The following ARAP3 variants were observed in gnomAD, a reference collection of about 807,000 sequenced individuals.
The protein encoded by ARAP3 is arf-GAP with Rho-GAP domain, ANK repeat and PH domain-containing protein 3.
ARAP3 carries 82 observed loss-of-function variants against 169.2 expected under a neutral mutation model. The observed-to-expected ratio is 0.48, with a 90% confidence interval of 0.41 to 0.58. The LOEUF (loss-of-function observed/expected upper bound fraction) is 0.58, where lower values mean the gene tolerates loss of function less well. Ranked by LOEUF, ARAP3 falls within the 20% of genes least tolerant of loss-of-function variation. The probability of loss-of-function intolerance (pLI) is 0.00; values close to 1 mark genes in which losing one functional copy is unlikely to be tolerated. For synonymous variants in ARAP3, 791 were observed against 800.3 expected, an observed-to-expected ratio of 0.99 and a Z score of 0.20; for missense variants, 1,764 against 2,018.0, an observed-to-expected ratio of 0.87 and a Z score of 2.41.
At chr5:141,678,135 G>A (rs1374761935) in intron 4 of ARAP3, among the ~76,000 whole-genome samples, 1 of 152,026 alleles carries the variant, frequency 6.6e-6, no homozygotes, top group Non-Finnish European at 1.5e-5. Context: ...ATTTTTAGTA[G>A]ACACGAGGTT....
intron 1 of ARAP3, chr5:141,680,930 C>G: frequency 5.9e-6 from 1 of 170,100 alleles, no homozygotes; most frequent in Admixed American, 6.0e-5. Flanking sequence ...CCAATCAGCT[C>G]TGGAGTAAGG....
chr5:141,655,828 G>A, intron 30 of ARAP3, 41 bp downstream of exon 30: 11 of 1,614,112 alleles, frequency 6.8e-6, no homozygotes, highest in South Asian at 3.3e-5. Flanking sequence ...GGGCCCCAGG[G>A]GGACCACAGA....
At chr5:141,654,587 G>A in intron 32 of ARAP3, 152 bp from the exon 33 acceptor site, 1 of 1,121,398 alleles carries the variant, frequency 8.9e-7, no homozygotes, top group Non-Finnish European at 1.2e-6. Context: ...GGGTTACACT[G>A]AGTCAACTGA....
At chr5:141,656,662 G>A (rs549976499) in intron 26 of ARAP3, 25 bp from the exon 27 acceptor site, 2 of 1,613,510 alleles carry the variant, frequency 1.2e-6, no homozygotes, top group East Asian at 4.5e-5. Context: ...GCAATCCTGG[G>A]TGGAGGATGC....
chr5:141,670,175 T>A, intron 14 of ARAP3, 112 bp from the exon 15 acceptor site: 1 of 1,394,128 alleles, frequency 7.2e-7, no homozygotes, highest in East Asian at 2.5e-5. Flanking sequence ...TATGATCCCA[T>A]GTAATCTTCA....
Position 141,672,873 on chromosome 5 carries a change from G to T in ARAP3, c.1146C>A (p.Arg382=), listed in dbSNP as rs758266108. 1.9e-6 allele frequency: 3 copies of T among 1,606,418 alleles called. No individual in the cohort carries two copies. In the African/African-American group the frequency reaches 4.0e-5, roughly 21 times the overall value. ...STLQSCLKEQ[R]LLGHPRPPQP... Reference sequence around the variant, plus strand: ...GGGGGGGCCGGGGGTGGCCCAGGAGGCGCTGCTCCTTCAGACAGGACTGCA... The same window carrying T: ...GGGGGGGCCGGGGGTGGCCCAGGAGTCGCTGCTCCTTCAGACAGGACTGCA... The change falls in exon 8 of 33, where the codon CGC becomes CGA. Residue 382 remains arginine (R), a synonymous_variant. Coordinates refer to ENST00000239440, the MANE Select transcript of ARAP3 (RefSeq NM_022481.6). This position sits in a 1 kb window ranked among gnomAD's most constrained non-coding sequence, Gnocchi z 4.9.
chr5:141,664,202 T>C (rs1256780088), intron 19 of ARAP3, among the ~76,000 whole-genome samples: 1 of 151,994 alleles, frequency 6.6e-6, no homozygotes, highest in East Asian at 1.9e-4. Flanking sequence ...CTGGCCAACA[T>C]GGTAAAACTC....
In ARAP3 at chr5:141,671,888, C is replaced by T. The variant is rs765775452; in HGVS notation, c.1671+7G>A. On this transcript the variant is annotated splice_region_variant and intron_variant, in intron 11 of 32. Transcript: ENST00000239440. The surrounding 1 kb of genome is among the most constrained non-coding windows in gnomAD (Gnocchi z 4.9). Reference sequence around the variant, plus strand: ...GCCTCCCACCTTCTCCCTCTTCGCCCGCTCACCTGTACTATCTCATTACTC... The same window carrying T: ...GCCTCCCACCTTCTCCCTCTTCGCCTGCTCACCTGTACTATCTCATTACTC... The T allele has an allele frequency of 8.2e-5, 132 of 1,614,036 alleles. No individual in the cohort carries two copies. The highest frequency in any genetic ancestry group is 6.6e-4 in the Middle Eastern group (4 of 6,084).
intron 25 of ARAP3, 48 bp from the exon 26 acceptor site, chr5:141,656,894 T>C: frequency 1.3e-6 from 2 of 1,578,026 alleles, no homozygotes; most frequent in East Asian, 2.3e-5. Flanking sequence ...ATATCCATAC[T>C]AAGCCCCCAG....
intron 22 of ARAP3, 93 bp from the exon 23 acceptor site, chr5:141,659,569 A>T (rs1427788478): frequency 6.3e-6 from 9 of 1,428,566 alleles, no homozygotes; most frequent in Non-Finnish European, 7.9e-6. Context: ...AGAGGGCTGG[A>T]GGCCAGAAGA....
chr5:141,678,815 A>G (rs2099912567), intron 4 of ARAP3, among the ~76,000 whole-genome samples: 1 of 151,744 alleles, frequency 6.6e-6, no homozygotes, highest in African/African-American at 2.4e-5. Flanking sequence ...ACTCTGCTCT[A>G]TTTTTTCCAT....
intron 21 of ARAP3, among the ~76,000 whole-genome samples, chr5:141,660,637 T>C (rs1407560080): frequency 1.3e-5 from 2 of 152,078 alleles, no homozygotes; most frequent in African/African-American, 4.8e-5. Flanking sequence ...AGTATATTTT[T>C]ATTATTTATT....
chr5:141,670,325 G>A (rs2099911247), intron 14 of ARAP3, among the ~76,000 whole-genome samples, 187 bp downstream of exon 14: 1 of 152,114 alleles, frequency 6.6e-6, no homozygotes, highest in Non-Finnish European at 1.5e-5. Flanking sequence ...CTTCAGAACA[G>A]ATGCTCTTAA....
Position 141,665,021 on chromosome 5 carries a change from C to T in ARAP3, c.2701G>A (p.Ala901Thr), listed in dbSNP as rs1406919159. The T allele has an allele frequency of 6.8e-6, 11 of 1,613,930 alleles. No homozygotes were observed. The highest frequency in any genetic ancestry group is 1.1e-5 in the South Asian group (1 of 91,062). ...AGCCCTGTGCCGCCCCCACCAGCCG[C>T]GCCCCCAATGGCTGCGTTCCATGCC... ...FTAWNAAIGG[A>T]AGGGGTGLQE... Residue 901 changes from alanine to threonine, a missense_variant, in exon 19 of 33, where the codon GCG becomes ACG. This residue lies in a region of ARAP3 where 1,112 missense variants were observed against 1,285.7 expected (regional missense o/e 0.86). Coordinates refer to ENST00000239440, the MANE Select transcript of ARAP3 (RefSeq NM_022481.6).
At position 141,655,644 on chromosome 5, in the gene ARAP3, G is replaced by A; in HGVS notation, c.4087C>T (p.Leu1363Phe). 1 of 1,614,120 alleles carries A rather than the reference G, an allele frequency of 6.2e-7. No individual in the cohort carries two copies. The highest frequency in any genetic ancestry group is 8.5e-7 in the Non-Finnish European group (1 of 1,179,986). The change falls in exon 31 of 33, where the codon CTC becomes TTC. Residue 1363 changes from leucine to phenylalanine, a missense_variant. This residue lies in a region of ARAP3 where 1,112 missense variants were observed against 1,285.7 expected (regional missense o/e 0.86). Coordinates refer to ENST00000239440, the MANE Select transcript of ARAP3 (RefSeq NM_022481.6). Reference protein sequence around the residue: ...PIRGDDSGATLLSANQTLRRL... With the variant: ...PIRGDDSGATFLSANQTLRRL... ...ACCAGGGTCTGATTGGCAGAGAGGA[G>A]GGTGGCTCCACTGTCATCCCCACGG...
At chr5:141,668,218 C>T (rs1318696325) in intron 16 of ARAP3, among the ~76,000 whole-genome samples, 3 of 151,906 alleles carry the variant, frequency 2.0e-5, no homozygotes, top group Non-Finnish European at 2.9e-5. Context: ...GCAATCCTTC[C>T]ACCTCAGCCT....
Position 141,672,376 on chromosome 5 carries a change from G to A in ARAP3, c.1386-75C>T. On this transcript the variant is annotated intron_variant, in intron 9 of 32. Coordinates refer to ENST00000239440, the MANE Select transcript of ARAP3 (RefSeq NM_022481.6). This position sits in a 1 kb window ranked among gnomAD's most constrained non-coding sequence, Gnocchi z 4.9. ...CATCCCCCTGGCTCTTCCTGCAGGAGCCACCACAGGCCACACCTGGGGCAG... is the reference window on the plus strand; with the variant it reads ...CATCCCCCTGGCTCTTCCTGCAGGAACCACCACAGGCCACACCTGGGGCAG... 9 of 1,573,784 alleles carry A rather than the reference G, an allele frequency of 5.7e-6. No individual in the cohort carries two copies. The highest frequency in any genetic ancestry group is 6.9e-6 in the Non-Finnish European group (8 of 1,151,156).
At position 141,655,274 on chromosome 5, in the gene ARAP3, C is replaced by T. The variant is rs554478951; in HGVS notation, c.4149+88G>A. On this transcript the variant is annotated intron_variant, in intron 32 of 32. Coordinates refer to ENST00000239440, the MANE Select transcript of ARAP3 (RefSeq NM_022481.6). ...CACACACACACCCCCTGATGGCCTA[C>T]ATGAGGAAAACAGCACACCCGGGGC... 6.3e-4 allele frequency: 889 copies of T among 1,421,370 alleles called. 14 individuals carry two copies. In the South Asian group the frequency reaches 0.011, roughly 17 times the overall value. 88.0% of individuals were successfully genotyped at this position (1,421,370 alleles called of 1,614,324 possible).
intron 19 of ARAP3, among the ~76,000 whole-genome samples, chr5:141,662,814 G>T (rs568790021): frequency 6.6e-6 from 1 of 152,220 alleles, no homozygotes; most frequent in East Asian, 1.9e-4. Flanking sequence ...GTTTCTACGT[G>T]TGAGAAAGCT....
Sources: allele counts gnomAD v4.1 joint callset (sites outside exome capture counted in the v4.1 genomes callset), GRCh38; gene constraint gnomAD v4.1.1; regional missense constraint gnomAD v4.1.1; non-coding constraint Gnocchi (gnomAD v3.1); transcripts MANE v1.5; gene names NCBI Gene and HGNC (gene_info 2026-07-23, HGNC 2026-07-21).